The following SREBF2 variants were observed in gnomAD, a reference collection of about 807,000 sequenced individuals.
The protein encoded by SREBF2 is sterol regulatory element-binding protein 2.
In SREBF2, 55 loss-of-function variants were observed where a neutral mutation model predicts 113.1. The observed-to-expected ratio is 0.49, with a 90% confidence interval of 0.39 to 0.61. The LOEUF (loss-of-function observed/expected upper bound fraction) is 0.61. Ranked by LOEUF, SREBF2 falls within the 20% of genes least tolerant of loss-of-function variation. The pLI is 0.00. For synonymous variants in SREBF2, 593 were observed against 605.7 expected, an observed-to-expected ratio of 0.98 and a Z score of 0.31; for missense variants, 1,349 against 1,487.4, an observed-to-expected ratio of 0.91 and a Z score of 1.53.
chr22:41,872,229 G>A (rs2077151093), intron 4 of SREBF2, among the ~76,000 whole-genome samples: 2 of 146,580 alleles, frequency 1.4e-5, no homozygotes, highest in South Asian at 4.4e-4. Flanking sequence ...CAGCCCGGGC[G>A]ACAGAGCAAA....
At position 41,904,648 on chromosome 22, in the gene SREBF2, CCT is replaced by C. The variant is rs775746023; in HGVS notation, c.3094-211_3094-210del. On this transcript the variant is annotated intron_variant, in intron 17 of 18. Transcript: ENST00000361204. ...AAAAGCAGGCCTTTTGCCTCTCTCTCCTCTCATCCTGCTCCTGCTGTTCAGCC... is the reference window on the plus strand; with the variant it reads ...AAAAGCAGGCCTTTTGCCTCTCTCTCCTCATCCTGCTCCTGCTGTTCAGCC... The C allele has an allele frequency of 3.1e-5, 22 of 705,892 alleles. No individual in the cohort carries two copies. The East Asian group carries it at 3.6e-4, about 11-fold the overall frequency. The allele number at this position is 705,892 out of a possible 1,614,324, so 43.7% of individuals were successfully genotyped here. A position where few individuals can be genotyped will look rare whatever the true frequency, so the allele number is the denominator to read the frequency against.
At chr22:41,885,068 A>G in intron 11 of SREBF2, 57 bp downstream of exon 11, 1 of 1,598,010 alleles carries the variant, frequency 6.3e-7, no homozygotes, top group Non-Finnish European at 8.5e-7. Flanking sequence ...CCTAGCCAGG[A>G]GTTAAGATGC....
intron 10 of SREBF2, among the ~76,000 whole-genome samples, chr22:41,882,324 A>G (rs947032973): frequency 2.6e-5 from 4 of 152,186 alleles, no homozygotes; most frequent in Admixed American, 2.0e-4. Context: ...TAGAAGGAAG[A>G]GCAACTTTCC....
rs1569414806 is a variant in SREBF2 at position 41,906,145 on chromosome 22, G to C, written c.*485G>C. On this transcript the variant is annotated 3_prime_UTR_variant, in exon 19 of 19. Coordinates refer to ENST00000361204, the MANE Select transcript of SREBF2 (RefSeq NM_004599.4). Reference sequence around the variant, plus strand: ...TGTGCTTGGGTTTGCCATGATGCGAGGCTGAGTTGCTGTAGCGTCTTGATT... The same window carrying C: ...TGTGCTTGGGTTTGCCATGATGCGACGCTGAGTTGCTGTAGCGTCTTGATT... The C allele has an allele frequency of 1.0e-5, 4 of 381,614 alleles. No individual in the cohort carries two copies. Among genetic ancestry groups the C allele is most frequent in the Non-Finnish European group, 2.1e-5 (4 of 191,804 alleles). The allele number at this position is 381,614 out of a possible 1,614,324, so 23.6% of individuals were successfully genotyped here.
At position 41,905,961 on chromosome 22, in the gene SREBF2, C is replaced by T; in HGVS notation, c.*301C>T. ...TGCCAAGCCCCTGCCTCCAGCCTTC[C>T]TGAGTTTCTCTCTCCTGAACCCTAC... On this transcript the variant is annotated 3_prime_UTR_variant, in exon 19 of 19. Transcript: ENST00000361204. The T allele has an allele frequency of 3.3e-6, 2 of 612,106 alleles. No individual in the cohort carries two copies. The highest frequency in any genetic ancestry group is 6.1e-6 in the Non-Finnish European group (2 of 327,322). 37.9% of individuals were successfully genotyped at this position (612,106 alleles called of 1,614,324 possible). A position where few individuals can be genotyped will look rare whatever the true frequency, so the allele number is the denominator to read the frequency against.
intron 11 of SREBF2, among the ~76,000 whole-genome samples, chr22:41,891,708 G>A (rs185054819): frequency 4.6e-4 from 70 of 152,322 alleles, no homozygotes; most frequent in African/African-American, 1.3e-3. Flanking sequence ...GTGTGGAAGC[G>A]ATGTCTGCGG....
At chr22:41,837,858 C>CA (rs35054500) in intron 1 of SREBF2, among the ~76,000 whole-genome samples, 8,100 of 102,822 alleles carry the variant, frequency 0.079, 333 homozygotes, top group Non-Finnish European at 0.11. Flanking sequence ...GACTCTGTCT[C>CA]AAAAAAAAAA....
Position 41,833,158 on chromosome 22 carries a change from C to G in SREBF2, c.-113C>G, listed in dbSNP as rs764287754. On this transcript the variant is annotated 5_prime_UTR_variant, in exon 1 of 19. Transcript: ENST00000361204. The surrounding 1 kb of genome is among the most constrained non-coding windows in gnomAD (Gnocchi z 4.1). ...AAACATGGCGGCGGGTGGCACCCGT[C>G]GGTGAGGCGGTGCCGGGCGGGGGTT... is the stretch of plus-strand genomic sequence containing the variant. 1.2e-4 allele frequency: 95 copies of G among 763,826 alleles called. No homozygotes were observed. Among genetic ancestry groups the G allele is most frequent in the Middle Eastern group, 3.8e-4 (1 of 2,644 alleles). The allele number at this position is 763,826 out of a possible 1,614,324, so 47.3% of individuals were successfully genotyped here.
chr22:41,855,291 G>A (rs6002511), intron 1 of SREBF2, among the ~76,000 whole-genome samples: 25 of 152,304 alleles, frequency 1.6e-4, no homozygotes, highest in African/African-American at 5.8e-4. Context: ...GGGAGACTGA[G>A]GCGAGTGGAT....
At chr22:41,880,400 A>C (rs1325720386) in intron 9 of SREBF2, among the ~76,000 whole-genome samples, 1 of 150,992 alleles carries the variant, frequency 6.6e-6, no homozygotes, top group Non-Finnish European at 1.5e-5. Context: ...AAAAATACAA[A>C]AAAAAAAAAA....
chr22:41,881,214 A>G (rs1602323941), intron 10 of SREBF2, among the ~76,000 whole-genome samples: 1 of 152,232 alleles, frequency 6.6e-6, no homozygotes, highest in Non-Finnish European at 1.5e-5. Flanking sequence ...TAACATCACT[A>G]TACTCAGGAT....
intron 1 of SREBF2, among the ~76,000 whole-genome samples, chr22:41,849,974 T>TA (rs568442652): frequency 1.0e-4 from 15 of 146,252 alleles, no homozygotes; most frequent in Admixed American, 2.1e-4. Context: ...CCATCTCTGT[T>TA]AAAAAAATAC....
intron 2 of SREBF2, 45 bp from the exon 3 acceptor site, chr22:41,868,566 A>C (rs1341258803): frequency 5.6e-6 from 9 of 1,606,176 alleles, no homozygotes; most frequent in Non-Finnish European, 7.7e-6. Flanking sequence ...GCAGTGACAG[A>C]ATGCATTCCT....
At chr22:41,904,809 C>A in intron 17 of SREBF2, 54 bp from the exon 18 acceptor site, 3 of 1,392,012 alleles carry the variant, frequency 2.2e-6, no homozygotes, top group Non-Finnish European at 3.0e-6. Flanking sequence ...CTACCCTGGG[C>A]ATAGATGGGT....
intron 1 of SREBF2, among the ~76,000 whole-genome samples, chr22:41,838,042 A>G (rs920332015): frequency 6.6e-6 from 1 of 152,154 alleles, no homozygotes; most frequent in South Asian, 2.1e-4. Flanking sequence ...GAGTAAGTCT[A>G]CCATTTCATT....
At chr22:41,904,771 G>C in intron 17 of SREBF2, 92 bp from the exon 18 acceptor site, 1 of 976,978 alleles carries the variant, frequency 1.0e-6, no homozygotes, top group Non-Finnish European at 1.6e-6. Context: ...GATGTCATGA[G>C]GTGGCAGGCG....
chr22:41,857,083 G>T (rs1478211082), intron 1 of SREBF2, among the ~76,000 whole-genome samples: 1 of 133,520 alleles, frequency 7.5e-6, no homozygotes, highest in Non-Finnish European at 1.6e-5. Context: ...AAAAAAAAAA[G>T]AATTTGATTT....
intron 1 of SREBF2, among the ~76,000 whole-genome samples, chr22:41,860,211 C>A (rs2077014665): frequency 6.8e-6 from 1 of 147,884 alleles, no homozygotes; most frequent in African/African-American, 2.5e-5. Context: ...GAATAAGTAT[C>A]TATAATATCT....
rs781611549 is a variant in SREBF2 at position 41,902,973 on chromosome 22, G to T, written c.2911G>T (p.Val971Phe). ...TCTCTCGTGGCTGACCCCACAGGTG[G>T]TCCAGCTGCTCACCTGTGACCTGCT... ...ATSDPALNHV[V>F]QLLTCDLLLS... Residue 971 changes from valine (V) to phenylalanine (F), a missense_variant, in exon 17 of 19, where the codon GTC (valine) becomes TTC (phenylalanine). Coordinates refer to ENST00000361204, the MANE Select transcript of SREBF2 (RefSeq NM_004599.4). The T allele has an allele frequency of 3.7e-6, 6 of 1,609,820 alleles. No individual in the cohort carries two copies. In the East Asian group the frequency reaches 1.3e-4, roughly 36 times the overall value.
Sources: allele counts gnomAD v4.1 joint callset (sites outside exome capture counted in the v4.1 genomes callset), GRCh38; gene constraint gnomAD v4.1.1; non-coding constraint Gnocchi (gnomAD v3.1); transcripts MANE v1.5; gene names NCBI Gene and HGNC (gene_info 2026-07-23, HGNC 2026-07-21).